Variants in RAB11FIP4 observed in about 807,000 individuals in gnomAD.
The protein encoded by RAB11FIP4 is RAB11 family interacting protein 4.
In RAB11FIP4, 23 loss-of-function variants were observed where a neutral mutation model predicts 74.3. That is an observed-to-expected ratio of 0.31 (90% CI 0.22 to 0.44). RAB11FIP4 has a LOEUF of 0.44. Ranked by LOEUF, RAB11FIP4 falls within the 20% of genes least tolerant of loss-of-function variation. RAB11FIP4 has a pLI of 1.00. For synonymous variants in RAB11FIP4, 360 were observed against 359.9 expected (o/e 1.00, Z 0.00); for missense variants, 630 against 863.9 (o/e 0.73, Z 3.39).
At chr17:31,451,557 G>T (rs1281365525) in intron 3 of RAB11FIP4, among the ~76,000 whole-genome samples, 1 of 151,798 alleles carries the variant, frequency 6.6e-6, no homozygotes, top group Non-Finnish European at 1.5e-5. Flanking sequence ...TCCCACTGTG[G>T]CCTCGAAGGT....
intron 10 of RAB11FIP4, chr17:31,526,607 G>C (rs2072771116): frequency 6.6e-6 from 1 of 152,286 alleles, no homozygotes; most frequent in South Asian, 2.1e-4. Context: ...CAGTTCTGCT[G>C]CCACCGACGG....
At chr17:31,410,615 G>A (rs1340879010) in intron 1 of RAB11FIP4, among the ~76,000 whole-genome samples, 1 of 152,134 alleles carries the variant, frequency 6.6e-6, no homozygotes, top group African/African-American at 2.4e-5. Flanking sequence ...GCACCGAGGG[G>A]GCTGAAGGGG....
At position 31,451,994 on chromosome 17, in the gene RAB11FIP4, G is replaced by T. The variant is rs149785585; in HGVS notation, c.336+17872G>T. Reference sequence around the variant, plus strand: ...GTAATGATCAAATCAGGGTAACTGGGATATCCATTACCTCAAACCTTTGTC... The same window carrying T: ...GTAATGATCAAATCAGGGTAACTGGTATATCCATTACCTCAAACCTTTGTC... On this transcript the variant is annotated intron_variant, in intron 3 of 14. Transcript: ENST00000621161. Among the ~76,000 whole-genome samples, 910 of 152,178 alleles carry T rather than the reference G, an allele frequency of 6.0e-3. 7 individuals are homozygous for T. The highest frequency in any genetic ancestry group is 0.021 in the African/African-American group (876 of 41,498).
At chr17:31,410,540 CCT>C (rs1488367125) in intron 1 of RAB11FIP4, among the ~76,000 whole-genome samples, 2 of 151,938 alleles carry the variant, frequency 1.3e-5, no homozygotes, top group Non-Finnish European at 2.9e-5. Flanking sequence ...ATGGTGAAAC[CCT>C]GTCTCTACTA....
chr17:31,499,279 A>G (rs1173164509), intron 3 of RAB11FIP4, among the ~76,000 whole-genome samples: 1 of 152,180 alleles, frequency 6.6e-6, no homozygotes, highest in Admixed American at 6.5e-5. Flanking sequence ...GTAAAGAGAA[A>G]AACTGCAGGA....
intron 3 of RAB11FIP4, among the ~76,000 whole-genome samples, chr17:31,457,094 T>C (rs2071586233): frequency 6.6e-6 from 1 of 152,126 alleles, no homozygotes; most frequent in African/African-American, 2.4e-5. Context: ...GATAGTGAGT[T>C]GCTCAGGTGA....
intron 3 of RAB11FIP4, among the ~76,000 whole-genome samples, chr17:31,513,427 C>T (rs1486406425): frequency 2.6e-5 from 4 of 152,206 alleles, no homozygotes; most frequent in South Asian, 2.1e-4. Context: ...CGTTCTGGCA[C>T]CTTCCAGCAT....
At chr17:31,408,474 A>AT (rs1192327520) in intron 1 of RAB11FIP4, among the ~76,000 whole-genome samples, 4 of 152,096 alleles carry the variant, frequency 2.6e-5, no homozygotes, top group Non-Finnish European at 4.4e-5. Context: ...TTTTCCATTG[A>AT]TTTTTTTCCT....
At chr17:31,414,534 G>C (rs1269354781) in intron 1 of RAB11FIP4, among the ~76,000 whole-genome samples, 2 of 152,254 alleles carry the variant, frequency 1.3e-5, no homozygotes, top group Admixed American at 1.3e-4. Flanking sequence ...TGTCAGCCCA[G>C]ACTCAGGCTG....
rs1330546609 is a variant in RAB11FIP4 at position 31,512,650 on chromosome 17, C to T, written c.337-5001C>T. ...TGGCTCTGGGTCTTGAGGGACAGAG[C>T]CCTGGCAAGTCAGACTGTGCCAGAG... On this transcript the variant is annotated intron_variant, in intron 3 of 14. Transcript: ENST00000621161. This position sits in a 1 kb window ranked among gnomAD's most constrained non-coding sequence, Gnocchi z 4.1. Among the ~76,000 whole-genome samples, 3 of 152,086 alleles carry T rather than the reference C, an allele frequency of 2.0e-5. No individual in the cohort carries two copies. The highest frequency in any genetic ancestry group is 6.5e-5 in the Admixed American group (1 of 15,268).
chr17:31,475,949 T>A (rs753324189), intron 3 of RAB11FIP4, among the ~76,000 whole-genome samples: 5 of 152,088 alleles, frequency 3.3e-5, no homozygotes, highest in Non-Finnish European at 7.3e-5. Flanking sequence ...TACAGTGAGT[T>A]CAATGTTAAT....
At chr17:31,491,324 G>T (rs576956274) in intron 3 of RAB11FIP4, among the ~76,000 whole-genome samples, 1 of 152,250 alleles carries the variant, frequency 6.6e-6, no homozygotes, top group Non-Finnish European at 1.5e-5. Flanking sequence ...CTTTGTGCCA[G>T]ATTCTGTGCT....
chr17:31,445,530 T>TATATATATATA (rs2071443149), intron 3 of RAB11FIP4, among the ~76,000 whole-genome samples: 1 of 36,756 alleles, frequency 2.7e-5, no homozygotes, highest in African/African-American at 1.4e-4. Flanking sequence ...ATTTTCCCAA[T>TATATATATATA]TTTATATATA....
intron 3 of RAB11FIP4, chr17:31,488,229 G>T (rs2071936788): frequency 3.5e-6 from 4 of 1,145,886 alleles, no homozygotes; most frequent in Non-Finnish European, 4.3e-6. Context: ...CCTCTGCCGG[G>T]GAGCGGCCCG....
At chr17:31,517,516 T>C in intron 3 of RAB11FIP4, 135 bp from the exon 4 acceptor site, 1 of 770,482 alleles carries the variant, frequency 1.3e-6, no homozygotes, top group South Asian at 1.7e-5. Context: ...GTTCCCACGC[T>C]TAGGGTTCGG....
chr17:31,404,915 G>A (rs1286791184), intron 1 of RAB11FIP4, among the ~76,000 whole-genome samples: 1 of 152,268 alleles, frequency 6.6e-6, no homozygotes, highest in East Asian at 1.9e-4. Context: ...GGGAAGGACA[G>A]GTATGCCAAA....
chr17:31,392,908 A>G (rs1480041531), intron 1 of RAB11FIP4, among the ~76,000 whole-genome samples: 7 of 152,198 alleles, frequency 4.6e-5, no homozygotes, highest in Non-Finnish European at 5.9e-5. Context: ...TTCCAAGGCC[A>G]TCTAAGGCCT....
At chr17:31,447,189 C>G (rs1338696424) in intron 3 of RAB11FIP4, among the ~76,000 whole-genome samples, 1 of 152,244 alleles carries the variant, frequency 6.6e-6, no homozygotes, top group African/African-American at 2.4e-5. Flanking sequence ...GAGGCTGAGG[C>G]AGGAGAATGG....
chr17:31,501,184 A>T (rs547767871), intron 3 of RAB11FIP4, among the ~76,000 whole-genome samples: 2 of 143,792 alleles, frequency 1.4e-5, no homozygotes, highest in East Asian at 3.9e-4. Context: ...AGAATAAGAG[A>T]ATACAACTTT....
Sources: allele counts gnomAD v4.1 joint callset (sites outside exome capture counted in the v4.1 genomes callset), GRCh38; gene constraint gnomAD v4.1.1; non-coding constraint Gnocchi (gnomAD v3.1); transcripts MANE v1.5; gene names NCBI Gene and HGNC (gene_info 2026-07-23, HGNC 2026-07-21).